Variants in PRH1 observed in about 807,000 individuals in gnomAD.
The protein encoded by PRH1 is salivary acidic proline-rich phosphoprotein 1/2.
In PRH1, 7 loss-of-function variants were observed where a neutral mutation model predicts 7.9. The ratio of observed to expected loss-of-function variants is 0.89; its 90% confidence interval spans 0.50 to 1.67. The LOEUF (loss-of-function observed/expected upper bound fraction) is 1.67, where lower values mean the gene tolerates loss of function less well. PRH1 is among the 40% of genes most tolerant of loss of function. The pLI is 0.00. For synonymous variants in PRH1, 45 were observed against 80.8 expected, an observed-to-expected ratio of 0.56 and a Z score of 2.38; for missense variants, 109 against 223.6, an observed-to-expected ratio of 0.49 and a Z score of 3.27.
chr12:11,161,209 T>C (rs748027962), intron 1 of PRH1, among the ~76,000 whole-genome samples: 25 of 152,234 alleles, frequency 1.6e-4, no homozygotes, highest in Non-Finnish European at 3.1e-4. Flanking sequence ...GATCAGCCTA[T>C]TTTAGTGAAT....
intron 1 of PRH1, among the ~76,000 whole-genome samples, chr12:10,993,959 C>T (rs533464245): frequency 1.3e-5 from 2 of 152,308 alleles, no homozygotes; most frequent in East Asian, 3.9e-4. Flanking sequence ...AAAAACAAAA[C>T]AGCAGGTGCA....
chr12:10,989,629 T>C (rs975775780), intron 1 of PRH1, among the ~76,000 whole-genome samples: 10 of 152,224 alleles, frequency 6.6e-5, no homozygotes, highest in African/African-American at 2.4e-4. Context: ...ACCACCACTT[T>C]ATACAGTCAA....
At chr12:10,987,632 T>G (rs1484356336) in intron 1 of PRH1, among the ~76,000 whole-genome samples, 1 of 151,976 alleles carries the variant, frequency 6.6e-6, no homozygotes, top group African/African-American at 2.4e-5. Context: ...GAAGTAAGTC[T>G]CCTGGAGGCC....
chr12:11,004,054 C>T (rs567732548), intron 1 of PRH1, among the ~76,000 whole-genome samples: 24 of 151,398 alleles, frequency 1.6e-4, no homozygotes, highest in African/African-American at 5.6e-4. Flanking sequence ...AGGATGTGAT[C>T]CTTCATCTTA....
intron 1 of PRH1, among the ~76,000 whole-genome samples, chr12:11,073,087 A>AT (rs368178107): frequency 8.9e-6 from 1 of 111,792 alleles, no homozygotes; most frequent in African/African-American, 3.1e-5. Context: ...TATTGTTTTT[A>AT]AGGTCTCATA....
chr12:10,881,927 TAGAG>T (rs926842338), intron 3 of PRH1, among the ~76,000 whole-genome samples: 3 of 152,004 alleles, frequency 2.0e-5, no homozygotes, highest in Non-Finnish European at 4.4e-5. Context: ...GGAAAGAAAA[TAGAG>T]AGAGCCAAAG....
intron 1 of PRH1, among the ~76,000 whole-genome samples, chr12:11,081,860 T>TCA (rs1944510613): frequency 8.5e-6 from 1 of 117,780 alleles, no homozygotes; most frequent in African/African-American, 2.8e-5. Flanking sequence ...ACATCCTTAC[T>TCA]TTATAAATAA....
intron 1 of PRH1, among the ~76,000 whole-genome samples, chr12:11,154,055 A>G (rs1947182964): frequency 6.6e-6 from 1 of 152,176 alleles, no homozygotes; most frequent in Non-Finnish European, 1.5e-5. Context: ...TTGAGTTTTG[A>G]AAAATAGTAT....
chr12:10,985,025 T>C (rs1939535311), intron 1 of PRH1, among the ~76,000 whole-genome samples: 1 of 151,960 alleles, frequency 6.6e-6, no homozygotes, highest in Admixed American at 6.6e-5. Context: ...ATTTCAAGTA[T>C]GGAAGATAGA....
intron 1 of PRH1, among the ~76,000 whole-genome samples, chr12:11,136,834 A>C (rs994433860): frequency 5.3e-5 from 8 of 152,204 alleles, no homozygotes; most frequent in African/African-American, 1.7e-4. Flanking sequence ...CAGCCTGTGC[A>C]ATACACCGAA....
At position 10,922,831 on chromosome 12, in the gene PRH1, C is replaced by CTTTTTTTTTT. The variant is rs202084629; in HGVS notation, c.-58-38557_-58-38556insAAAAAAAAAA. Among the ~76,000 whole-genome samples the CTTTTTTTTTT allele has an allele frequency of 7.5e-5, 9 of 119,256 alleles. 1 individual carries two copies. The highest frequency in any genetic ancestry group is 2.9e-4 in the East Asian group (1 of 3,444). 78.2% of individuals were successfully genotyped at this position (119,256 alleles called of 152,430 possible). A position where few individuals can be genotyped will look rare whatever the true frequency, so the allele number is the denominator to read the frequency against. On this transcript the variant is annotated intron_variant, in intron 2 of 3. Coordinates refer to the PRH1 transcript ENST00000539853. ...TCTTTTCCATGAATTTTTTCTTTTTCTTTTTTTTGAGACGGAGTCTCGCTC... is the reference window on the plus strand; with the variant it reads ...TCTTTTCCATGAATTTTTTCTTTTTCTTTTTTTTTTTTTTTTTTGAGACGGAGTCTCGCTC...
chr12:10,993,883 A>T (rs1043350217), intron 1 of PRH1, among the ~76,000 whole-genome samples: 4 of 152,200 alleles, frequency 2.6e-5, no homozygotes, highest in African/African-American at 9.6e-5. Context: ...AGGAGAGGGG[A>T]GAGCAAACCC....
At chr12:11,030,727 A>C (rs1268442920) in intron 1 of PRH1, 1 of 1,614,214 alleles carries the variant, frequency 6.2e-7, no homozygotes. Flanking sequence ...TGAGATGTTT[A>C]CACAGAGAAC....
intron 1 of PRH1, among the ~76,000 whole-genome samples, chr12:11,036,288 A>C (rs1412631537): frequency 1.3e-5 from 2 of 152,264 alleles, no homozygotes; most frequent in African/African-American, 2.4e-5. Context: ...TTATCAAAAA[A>C]TGAAGGACAT....
At chr12:11,136,550 A>G (rs369313007) in intron 1 of PRH1, among the ~76,000 whole-genome samples, 12 of 152,354 alleles carry the variant, frequency 7.9e-5, no homozygotes, top group African/African-American at 2.9e-4. Context: ...TACTTCAAGT[A>G]AATTTACTCC....
chr12:10,891,753 C>T (rs950493114), intron 2 of PRH1: 1 of 152,192 alleles, frequency 6.6e-6, no homozygotes, highest in African/African-American at 2.4e-5. Flanking sequence ...GCTTCAGTCC[C>T]CTCACAGGGA....
chr12:11,074,221 G>GTAATAA (rs1395740424), intron 1 of PRH1, among the ~76,000 whole-genome samples: 10,436 of 98,448 alleles, frequency 0.11, no homozygotes, highest in East Asian at 0.32. Flanking sequence ...TAATTAAAAA[G>GTAATAA]AGCACAGTCT....
intron 1 of PRH1, among the ~76,000 whole-genome samples, chr12:11,125,713 T>TA (rs1333659143): frequency 1.5e-4 from 8 of 53,896 alleles, no homozygotes; most frequent in Non-Finnish European, 2.1e-4. Context: ...GATATTACTA[T>TA]ATTGGAAATT....
chr12:10,903,952 A>AAAAAAAC lies in PRH1; in HGVS notation c.-58-19678_-58-19677insGTTTTTT, dbSNP rs1421438864. 2.5e-4 allele frequency among the ~76,000 whole-genome samples: 36 copies of AAAAAAAC among 144,888 alleles called. 1 individual carries two copies. The highest frequency in any genetic ancestry group is 8.7e-4 in the African/African-American group (34 of 39,230). ...GCCTCAAAAAAAAAAAAAAAAAAAA[A>AAAAAAAC]AACAACTAGGACTACAGCTAACCAA... On this transcript the variant is annotated intron_variant, in intron 2 of 3. Coordinates refer to the PRH1 transcript ENST00000539853.
Sources: gnomAD v4.1 joint callset for allele counts (sites outside exome capture counted in the v4.1 genomes callset) on GRCh38, gnomAD v4.1.1 for gene constraint, MANE v1.5 for transcripts, NCBI Gene and HGNC (gene_info 2026-07-23, HGNC 2026-07-21) for gene names.